SLC43A2: variants seen among roughly 807,000 people sequenced by gnomAD.
SLC43A2 encodes large neutral amino acids transporter small subunit 4.
A neutral mutation model predicts 63.2 loss-of-function variants in SLC43A2; 38 were observed. The ratio of observed to expected loss-of-function variants is 0.60; its 90% CI spans 0.46 to 0.79. The LOEUF is 0.79. SLC43A2 is among the 30% of genes least tolerant of loss of function. The probability of loss-of-function intolerance (pLI) is 0.00; values close to 1 mark genes in which losing one functional copy is unlikely to be tolerated. For synonymous variants in SLC43A2, 322 were observed against 331.0 expected (o/e 0.97, Z 0.30); for missense variants, 644 against 756.2 (o/e 0.85, Z 1.74).
chr17:1,598,848 G>T (rs941805356), intron 5 of SLC43A2, among the ~76,000 whole-genome samples: 1 of 152,178 alleles, frequency 6.6e-6, no homozygotes, highest in Non-Finnish European at 1.5e-5. Flanking sequence ...CCTGGACAGG[G>T]CAGGGGCCTC....
chr17:1,622,637 G>T, intron 2 of SLC43A2, among the ~76,000 whole-genome samples: 1 of 152,032 alleles, frequency 6.6e-6, no homozygotes, highest in Non-Finnish European at 1.5e-5. Flanking sequence ...CCTTGAGCTG[G>T]GCGCAGTGGC....
intron 5 of SLC43A2, among the ~76,000 whole-genome samples, chr17:1,601,762 C>T (rs1176845765): frequency 1.3e-5 from 2 of 151,108 alleles, no homozygotes; most frequent in Non-Finnish European, 2.9e-5. Context: ...TGCTATTGAG[C>T]CAGAGTCCTG....
At chr17:1,600,153 T>TATATATATATATATATATATATA (rs1491178977) in intron 5 of SLC43A2, among the ~76,000 whole-genome samples, 2 of 38,246 alleles carry the variant, frequency 5.2e-5, no homozygotes, top group Non-Finnish European at 1.0e-4. Flanking sequence ...TATATATATA[T>TATATATATATATATATATATATA]TTTTTTTTTT....
At position 1,602,369 on chromosome 17, in the gene SLC43A2, G is replaced by A. The variant is rs373343886; in HGVS notation, c.502-9090C>T. ...ATTAAAGACATTCATTCACAGGCCG[G>A]GCACGGTGGCTCACACCTGTAATCC... On this transcript the variant is annotated intron_variant, in intron 5 of 13. Coordinates refer to ENST00000301335, the MANE Select transcript of SLC43A2 (RefSeq NM_152346.3). Among the ~76,000 whole-genome samples, 77 of 152,242 alleles carry A rather than the reference G, an allele frequency of 5.1e-4. 2 individuals are homozygous for A. The highest frequency in any genetic ancestry group is 1.8e-3 in the African/African-American group (74 of 41,514).
Position 1,575,765 on chromosome 17 carries a change from C to T in SLC43A2, c.1549G>A (p.Val517Met), listed in dbSNP as rs760889583. The T allele has an allele frequency of 1.2e-6, 2 of 1,608,718 alleles. No homozygotes were observed. The highest frequency in any genetic ancestry group is 1.3e-5 in the African/African-American group (1 of 74,842). Residue 517 changes from valine to methionine, a missense_variant and splice_region_variant, in exon 14 of 14, where the codon GTG becomes ATG. Around this residue, in one of 3 missense-constraint regions of SLC43A2, gnomAD observed 105 missense variants for 101.7 expected, o/e 1.03. Transcript: ENST00000301335. ...MGPLQGDPLW[V>M]NVGLLLLSLL... Reference sequence around the variant, plus strand: ...CTGAGAAGGAGCAGCCCCACGTTCACCTGGGGAGGCAGGGAGGCCGCGCAT... The same window carrying T: ...CTGAGAAGGAGCAGCCCCACGTTCATCTGGGGAGGCAGGGAGGCCGCGCAT...
At chr17:1,626,206 C>G (rs142621796) in intron 2 of SLC43A2, among the ~76,000 whole-genome samples, 29 of 148,786 alleles carry the variant, frequency 1.9e-4, no homozygotes, top group African/African-American at 5.4e-4. Flanking sequence ...TGTGTCCAGC[C>G]TGAAAGAGCC....
chr17:1,590,287 C>T (rs1904620342), intron 9 of SLC43A2, among the ~76,000 whole-genome samples: 1 of 151,132 alleles, frequency 6.6e-6, no homozygotes, highest in African/African-American at 2.4e-5. Context: ...CAAGCCTCAA[C>T]TGTTCGCAAG....
intron 5 of SLC43A2, among the ~76,000 whole-genome samples, chr17:1,611,022 A>G (rs562945361): frequency 6.6e-6 from 1 of 151,926 alleles, no homozygotes; most frequent in African/African-American, 2.4e-5. Flanking sequence ...TGTATATTTT[A>G]GTAGAGACGG....
At chr17:1,594,253 C>T (rs967089354) in intron 5 of SLC43A2, among the ~76,000 whole-genome samples, 10 of 152,324 alleles carry the variant, frequency 6.6e-5, no homozygotes, top group East Asian at 3.9e-4. Flanking sequence ...AAGCCACTCT[C>T]GGCATCTCAC....
At chr17:1,608,479 C>T (rs1346461425) in intron 5 of SLC43A2, among the ~76,000 whole-genome samples, 2 of 151,718 alleles carry the variant, frequency 1.3e-5, no homozygotes, top group East Asian at 1.9e-4. Flanking sequence ...CTGCAACCTC[C>T]GCCTCCCGGG....
chr17:1,609,996 G>A (rs1041584423), intron 5 of SLC43A2, among the ~76,000 whole-genome samples: 8 of 151,504 alleles, frequency 5.3e-5, no homozygotes, highest in African/African-American at 1.5e-4. Context: ...TGCAACCTCC[G>A]CCACCCAGGT....
chr17:1,604,849 C>A (rs1906437998), intron 5 of SLC43A2: 1 of 1,535,724 alleles, frequency 6.5e-7, no homozygotes, highest in Non-Finnish European at 8.7e-7. Context: ...TGGGTCACTC[C>A]CCACATTCCC....
In SLC43A2 at chr17:1,601,373, C is replaced by T. The variant is rs1906002407; in HGVS notation, c.502-8094G>A. On this transcript the variant is annotated intron_variant, in intron 5 of 13. Coordinates refer to ENST00000301335, the MANE Select transcript of SLC43A2 (RefSeq NM_152346.3). ...GAAAACCCAAATGTTCCCTGGATCC[C>T]GAGATGGCTAATAAGCACTCAGGCC... Among the ~76,000 whole-genome samples, 4 of 151,976 alleles carry T rather than the reference C, an allele frequency of 2.6e-5. 1 individual carries two copies. The highest frequency in any genetic ancestry group is 4.4e-5 in the Non-Finnish European group (3 of 68,018).
chr17:1,604,933 C>T lies in SLC43A2; in HGVS notation c.501+8262G>A, dbSNP rs967590829. 9.5e-5 allele frequency: 144 copies of T among 1,520,860 alleles called. 1 individual carries two copies. The highest frequency in any genetic ancestry group is 2.6e-4 in the Admixed American group (13 of 50,340). 94.2% of individuals were successfully genotyped at this position (1,520,860 alleles called of 1,614,324 possible). On this transcript the variant is annotated intron_variant, in intron 5 of 13. Transcript: ENST00000301335. The stretch of plus-strand genomic sequence containing the variant: ...TGCGCATAATGGCTGTTCGAAGCCG[C>T]GGTGCCGGAGTGAGGGCTGAGCGCT...
chr17:1,589,756 T>G (rs1444772811), intron 9 of SLC43A2, among the ~76,000 whole-genome samples: 1 of 152,080 alleles, frequency 6.6e-6, no homozygotes, highest in African/African-American at 2.4e-5. Context: ...GTAGCAGGGA[T>G]TACAGGGGCC....
chr17:1,628,956 C>G (rs1442216793), upstream of SLC43A2: 1 of 152,500 alleles, frequency 6.6e-6, no homozygotes, highest in African/African-American at 2.4e-5. Context: ...CCCCGCCCGC[C>G]CCGCCGCGAG....
In SLC43A2 at chr17:1,614,865, C is replaced by T. The variant is rs558408340; in HGVS notation, c.424+114G>A. 20 of 1,080,102 alleles carry T rather than the reference C, an allele frequency of 1.9e-5. No homozygotes were observed. The African/African-American group carries it at 3.0e-4, about 16-fold the overall frequency. 66.9% of individuals were successfully genotyped at this position (1,080,102 alleles called of 1,614,324 possible). On this transcript the variant is annotated intron_variant, in intron 4 of 13. Transcript: ENST00000301335. ...GAGGCGTAACAGGTGTCCCCTCTAA[C>T]TTGAGCAGGGAGCAGCAGGCCCAGG...
Position 1,578,116 on chromosome 17 carries a change from G to A in SLC43A2, c.1424+134C>T. ...ACACCCAGCAGAAACCCTGGTACCTGTCCCCTGAAGCAGGAAGATGAGCCC... is the reference window on the plus strand; with the variant it reads ...ACACCCAGCAGAAACCCTGGTACCTATCCCCTGAAGCAGGAAGATGAGCCC... On this transcript the variant is annotated intron_variant, in intron 12 of 13. Transcript: ENST00000301335. This position sits in a 1 kb window ranked among gnomAD's most constrained non-coding sequence, Gnocchi z 6.5. The A allele has an allele frequency of 1.2e-6, 1 of 821,548 alleles. No individual in the cohort carries two copies. The allele number at this position is 821,548 out of a possible 1,614,324, so 50.9% of individuals were successfully genotyped here. A position where few individuals can be genotyped will look rare whatever the true frequency, so the allele number is the denominator to read the frequency against.
rs546619262 is a variant in SLC43A2 at position 1,604,203 on chromosome 17, G to A, written c.501+8992C>T. 1.5e-4 allele frequency among the ~76,000 whole-genome samples: 23 copies of A among 151,810 alleles called. No individual in the cohort carries two copies. The South Asian group carries it at 1.9e-3, about 12-fold the overall frequency. ...TTACAGGCATGTGCCACTACGCCACGATGCCCAGCTAATTTTTTTTTTGTA... is the reference window on the plus strand; with the variant it reads ...TTACAGGCATGTGCCACTACGCCACAATGCCCAGCTAATTTTTTTTTTGTA... On this transcript the variant is annotated intron_variant, in intron 5 of 13. Coordinates refer to ENST00000301335, the MANE Select transcript of SLC43A2 (RefSeq NM_152346.3).
Sources: gnomAD v4.1 joint callset for allele counts (sites outside exome capture counted in the v4.1 genomes callset) on GRCh38, gnomAD v4.1.1 for gene constraint, gnomAD v4.1.1 regional missense constraint, Gnocchi (gnomAD v3.1) non-coding constraint, MANE v1.5 for transcripts, NCBI Gene and HGNC (gene_info 2026-07-23, HGNC 2026-07-21) for gene names.